Variants in ACACA observed in about 807,000 individuals in gnomAD.
ACACA encodes the protein acetyl-CoA carboxylase alpha, also known as acetyl-CoA carboxylase 1.
A neutral mutation model predicts 296.1 loss-of-function variants in ACACA; 103 were observed. The observed-to-expected ratio is 0.35, with a 90% CI of 0.30 to 0.41. The LOEUF (loss-of-function observed/expected upper bound fraction) is 0.41. Among genes scored for constraint, ACACA ranks in the 10% least tolerant of loss-of-function variants. The pLI is 1.00. For missense variants in ACACA, 1,554 were observed against 2,989.7 expected (o/e 0.52, Z 11.20); for synonymous variants, 953 against 1,038.6 (o/e 0.92, Z 1.58).
intron 1 of ACACA, among the ~76,000 whole-genome samples, chr17:37,362,581 C>T (rs1043085715): frequency 1.3e-5 from 2 of 152,168 alleles, no homozygotes; most frequent in African/African-American, 4.8e-5. Flanking sequence ...TTATATGCGC[C>T]ACTGTCCAGA....
At chr17:37,298,242 A>G (rs953429090) in intron 3 of ACACA, among the ~76,000 whole-genome samples, 2 of 152,108 alleles carry the variant, frequency 1.3e-5, no homozygotes, top group Non-Finnish European at 2.9e-5. Context: ...CAGTTGGGGG[A>G]AAAAAAGGAA....
intron 1 of ACACA, among the ~76,000 whole-genome samples, chr17:37,363,837 T>A (rs928105485): frequency 1.3e-5 from 2 of 149,362 alleles, no homozygotes; most frequent in Non-Finnish European, 3.0e-5. Flanking sequence ...AATACAAAAT[T>A]TGCGGCAGGG....
chr17:37,236,878 GAA>G (rs1200264198), intron 24 of ACACA, among the ~76,000 whole-genome samples: 3 of 151,984 alleles, frequency 2.0e-5, no homozygotes, highest in African/African-American at 7.2e-5. Flanking sequence ...GTTTAATTAT[GAA>G]ATATATATAC....
chr17:37,246,702 G>C, intron 19 of ACACA, 124 bp downstream of exon 19: 1 of 1,313,112 alleles, frequency 7.6e-7, no homozygotes, highest in Non-Finnish European at 1.1e-6. Flanking sequence ...CAAAGTGGTA[G>C]GATTACAGGC....
chr17:37,209,255 C>G (rs1008659633), intron 30 of ACACA, among the ~76,000 whole-genome samples: 5 of 152,166 alleles, frequency 3.3e-5, no homozygotes, highest in African/African-American at 1.2e-4. Flanking sequence ...CACAGAAGTG[C>G]TATCATCCTC....
chr17:37,285,517 T>C (rs1041325041), intron 3 of ACACA, among the ~76,000 whole-genome samples: 25 of 152,066 alleles, frequency 1.6e-4, no homozygotes, highest in African/African-American at 5.3e-4. Flanking sequence ...CTTTTTACTT[T>C]AAAAAAATCT....
At chr17:37,121,939 C>T (rs2074546011) in intron 49 of ACACA, among the ~76,000 whole-genome samples, 1 of 152,188 alleles carries the variant, frequency 6.6e-6, no homozygotes, top group African/African-American at 2.4e-5. Context: ...TCCCTGACCC[C>T]TCACTTTCTG....
At chr17:37,152,382 T>C (rs1438615061) in intron 43 of ACACA, among the ~76,000 whole-genome samples, 7 of 152,194 alleles carry the variant, frequency 4.6e-5, no homozygotes, top group Non-Finnish European at 1.0e-4. Flanking sequence ...AGGAAGAGAA[T>C]ATCCAAACAG....
At chr17:37,331,630 A>G (rs913184190) in intron 2 of ACACA, among the ~76,000 whole-genome samples, 1 of 146,870 alleles carries the variant, frequency 6.8e-6, no homozygotes, top group Non-Finnish European at 1.5e-5. Flanking sequence ...CTGGTCTTGA[A>G]CTCCTGATCT....
intron 13 of ACACA, 39 bp from the exon 14 acceptor site, chr17:37,257,905 C>T (rs1470563601): frequency 3.7e-6 from 6 of 1,605,678 alleles, no homozygotes; most frequent in East Asian, 2.2e-5. Context: ...TATTATGTTT[C>T]GAAGGAAGAG....
In ACACA at chr17:37,087,226, T is replaced by G. The variant is rs779304055; in HGVS notation, c.*90A>C. ...CATTTGACTCCAGTGCTGGGTCTCC[T>G]GTGCCTTCTCATTACAGTGGTTACA... On this transcript the variant is annotated 3_prime_UTR_variant, in exon 56 of 56. Transcript: ENST00000616317. The G allele has an allele frequency of 5.7e-6, 9 of 1,570,678 alleles. No individual in the cohort carries two copies. Among genetic ancestry groups the G allele is most frequent in the African/African-American group, 1.4e-5 (1 of 73,984 alleles).
chr17:37,330,115 A>C lies in ACACA; in HGVS notation c.338+58T>G, dbSNP rs1212826651. On this transcript the variant is annotated intron_variant, in intron 3 of 55. Transcript: ENST00000616317. The stretch of plus-strand genomic sequence containing the variant: ...AAATCATCCTTGCTCTTTTCAGAAC[A>C]TAATCAGCAAAACTAACAAGACAGA... The C allele has an allele frequency of 3.7e-6, 6 of 1,604,944 alleles. No individual in the cohort carries two copies. In the African/African-American group the frequency reaches 4.0e-5, roughly 11 times the overall value.
At chr17:37,216,681 C>T (rs2079014135) in intron 29 of ACACA, among the ~76,000 whole-genome samples, 1 of 151,916 alleles carries the variant, frequency 6.6e-6, no homozygotes, top group African/African-American at 2.4e-5. Context: ...AGCAACTGTT[C>T]AAGTGTGCTA....
chr17:37,219,864 C>CAA (rs982072679), intron 29 of ACACA, among the ~76,000 whole-genome samples: 2 of 146,664 alleles, frequency 1.4e-5, no homozygotes, highest in African/African-American at 5.0e-5. Flanking sequence ...AACTTTAGAT[C>CAA]AAAAAAAAAA....
At chr17:37,181,445 C>G (rs1240702261) in intron 39 of ACACA, 89 bp from the exon 40 acceptor site, 12 of 1,447,230 alleles carry the variant, frequency 8.3e-6, no homozygotes, top group Non-Finnish European at 1.1e-5. Flanking sequence ...CAAATATTAT[C>G]TCTTTGAAAA....
At chr17:37,304,619 C>G (rs2083782119) in intron 3 of ACACA, among the ~76,000 whole-genome samples, 1 of 152,058 alleles carries the variant, frequency 6.6e-6, no homozygotes, top group Non-Finnish European at 1.5e-5. Flanking sequence ...CGTGGAGAAA[C>G]CCCATCTCTA....
At chr17:37,403,403 A>C (rs1597813660) in intron 1 of ACACA, among the ~76,000 whole-genome samples, 3 of 125,396 alleles carry the variant, frequency 2.4e-5, no homozygotes, top group South Asian at 2.4e-4. Context: ...ACAGTGTCTC[A>C]CTCTGTCACC....
intron 45 of ACACA, 31 bp from the exon 46 acceptor site, chr17:37,130,249 G>C (rs1202614477): frequency 1.9e-6 from 3 of 1,613,154 alleles, no homozygotes; most frequent in East Asian, 2.2e-5. Flanking sequence ...AAAGACATTT[G>C]TCTCTATAGA....
At chr17:37,163,141 T>C (rs1373498624) in intron 41 of ACACA, 1 of 136,098 alleles carries the variant, frequency 7.3e-6, no homozygotes, top group Non-Finnish European at 1.5e-5. Context: ...TTCTTCTAGG[T>C]GCAGGGCCCT....
Sources: gnomAD v4.1 joint callset for allele counts (sites outside exome capture counted in the v4.1 genomes callset) on GRCh38, gnomAD v4.1.1 for gene constraint, MANE v1.5 for transcripts, NCBI Gene and HGNC (gene_info 2026-07-23, HGNC 2026-07-21) for gene names.